SNX29: variants seen among roughly 807,000 people sequenced by gnomAD.
SNX29 encodes the protein sorting nexin-29.
A neutral mutation model predicts 102.1 loss-of-function variants in SNX29; 78 were observed. The observed-to-expected ratio is 0.76, with a 90% CI of 0.64 to 0.92. The LOEUF is 0.92. Among genes scored for constraint, SNX29 ranks in the 40% least tolerant of loss-of-function variants. The pLI, the probability that SNX29 is intolerant of heterozygous loss-of-function variation, is 0.00. For missense variants in SNX29, 1,280 were observed against 1,061.7 expected, an observed-to-expected ratio of 1.21 and a Z score of -2.86; for synonymous variants, 580 against 414.5, an observed-to-expected ratio of 1.40 and a Z score of -4.85.
chr16:12,183,808 A>G (rs994482147), intron 13 of SNX29, among the ~76,000 whole-genome samples: 10 of 152,244 alleles, frequency 6.6e-5, no homozygotes, highest in African/African-American at 2.2e-4. Context: ...TTTGCAGTAA[A>G]GAAGCCGGCT....
chr16:12,455,269 T>G (rs2151730964), intron 18 of SNX29, among the ~76,000 whole-genome samples: 1 of 152,280 alleles, frequency 6.6e-6, no homozygotes. Context: ...CGCCTGGGGT[T>G]TCTAAAGCCC....
At chr16:12,119,668 A>C (rs1459915698) in intron 11 of SNX29, among the ~76,000 whole-genome samples, 1 of 152,228 alleles carries the variant, frequency 6.6e-6, no homozygotes, top group Non-Finnish European at 1.5e-5. Flanking sequence ...GTGAGTCCTG[A>C]GGCTGTGCGC....
At chr16:12,183,283 G>T (rs944622519) in intron 13 of SNX29, among the ~76,000 whole-genome samples, 2 of 152,182 alleles carry the variant, frequency 1.3e-5, no homozygotes, top group African/African-American at 4.8e-5. Flanking sequence ...TTACAGGTAT[G>T]AGCCATGGCA....
intron 13 of SNX29, among the ~76,000 whole-genome samples, chr16:12,168,554 A>G (rs1349110724): frequency 6.6e-6 from 1 of 152,128 alleles, no homozygotes; most frequent in African/African-American, 2.4e-5. Flanking sequence ...ATAACTGAAC[A>G]GGCTGACGGG....
At chr16:12,487,113 T>C (rs1046491849) in intron 19 of SNX29, among the ~76,000 whole-genome samples, 2 of 152,176 alleles carry the variant, frequency 1.3e-5, no homozygotes, top group African/African-American at 4.8e-5. Flanking sequence ...GTATTGTGTT[T>C]ATGAGGATTG....
In SNX29 at chr16:12,562,280, C is replaced by G. The variant is rs138969247; in HGVS notation, c.2319-6226C>G. Reference sequence around the variant, plus strand: ...AAGCAGCATCCCCATGGGCCACGCTCTATCCCAGCATCAAACGTTATCGTT... The same window carrying G: ...AAGCAGCATCCCCATGGGCCACGCTGTATCCCAGCATCAAACGTTATCGTT... On this transcript the variant is annotated intron_variant, in intron 20 of 20. Coordinates refer to ENST00000566228, the MANE Select transcript of SNX29 (RefSeq NM_032167.5). Among the ~76,000 whole-genome samples the G allele has an allele frequency of 1.9e-3, 282 of 152,312 alleles. 2 individuals are homozygous for G. Among genetic ancestry groups the G allele is most frequent in the African/African-American group, 2.7e-3 (111 of 41,562 alleles).
chr16:12,486,650 C>T (rs74012725), intron 19 of SNX29, among the ~76,000 whole-genome samples: 2,101 of 152,308 alleles, frequency 0.014, 56 homozygotes, highest in African/African-American at 0.048. Context: ...GGAGGCTGGA[C>T]GGGCAGAATC....
chr16:12,465,063 T>G (rs2086990542), intron 18 of SNX29, among the ~76,000 whole-genome samples: 1 of 152,194 alleles, frequency 6.6e-6, no homozygotes, highest in Non-Finnish European at 1.5e-5. Context: ...AAATGTCTGT[T>G]TACATCCTTT....
At chr16:12,163,143 A>G (rs1334587335) in intron 13 of SNX29, among the ~76,000 whole-genome samples, 1 of 152,132 alleles carries the variant, frequency 6.6e-6, no homozygotes, top group Non-Finnish European at 1.5e-5. Flanking sequence ...TGGCCTCCCA[A>G]AGTCCTGGGA....
At chr16:12,437,136 T>TA (rs2085574441) in intron 18 of SNX29, among the ~76,000 whole-genome samples, 1 of 152,264 alleles carries the variant, frequency 6.6e-6, no homozygotes, top group South Asian at 2.1e-4. Flanking sequence ...CATGGGGGTT[T>TA]AAAACTGTTA....
chr16:12,311,356 C>G (rs1279185532), intron 15 of SNX29, among the ~76,000 whole-genome samples: 1 of 152,198 alleles, frequency 6.6e-6, no homozygotes, highest in African/African-American at 2.4e-5. Context: ...CACCCCATGA[C>G]ATTATTTGCA....
intron 15 of SNX29, among the ~76,000 whole-genome samples, chr16:12,302,300 A>C (rs2080198720): frequency 6.6e-6 from 1 of 152,250 alleles, no homozygotes; most frequent in Non-Finnish European, 1.5e-5. Context: ...CAGTTTCTAC[A>C]GTTACAGCAG....
chr16:12,471,095 G>A (rs923202401), intron 18 of SNX29, among the ~76,000 whole-genome samples: 1 of 152,062 alleles, frequency 6.6e-6, no homozygotes, highest in African/African-American at 2.4e-5. Flanking sequence ...CCCGAGATCT[G>A]ACATGCTTTG....
intron 13 of SNX29, among the ~76,000 whole-genome samples, chr16:12,167,632 G>A (rs2076047288): frequency 6.6e-6 from 1 of 152,144 alleles, no homozygotes; most frequent in Non-Finnish European, 1.5e-5. Context: ...TGTTTAGTGT[G>A]TTTCAGACAT....
intron 20 of SNX29, among the ~76,000 whole-genome samples, chr16:12,561,305 A>G (rs186433229): frequency 2.6e-4 from 40 of 152,262 alleles, no homozygotes; most frequent in South Asian, 2.3e-3. Context: ...CATGATCTTC[A>G]CATCCTGGAG....
At chr16:12,022,480 C>A (rs1322246611) in intron 3 of SNX29, among the ~76,000 whole-genome samples, 1 of 152,104 alleles carries the variant, frequency 6.6e-6, no homozygotes, top group Non-Finnish European at 1.5e-5. Context: ...GGATTACAGG[C>A]ATGAGCCACA....
chr16:11,997,506 C>G (rs575114905), intron 1 of SNX29, among the ~76,000 whole-genome samples: 2 of 151,330 alleles, frequency 1.3e-5, no homozygotes, highest in South Asian at 2.1e-4. Context: ...GAGATAGGGC[C>G]TCACTCTGTC....
At chr16:12,056,000 G>C (rs1596716609) in intron 8 of SNX29, among the ~76,000 whole-genome samples, 1 of 152,128 alleles carries the variant, frequency 6.6e-6, no homozygotes, top group African/African-American at 2.4e-5. Context: ...TCCTGCCTCA[G>C]CCTCCAGAGT....
intron 19 of SNX29, among the ~76,000 whole-genome samples, chr16:12,496,895 A>G (rs1167059740): frequency 6.6e-6 from 1 of 152,048 alleles, no homozygotes; most frequent in Non-Finnish European, 1.5e-5. Flanking sequence ...AGGGGAAAGC[A>G]TGAGCAAAGC....
Sources: allele counts gnomAD v4.1 joint callset (sites outside exome capture counted in the v4.1 genomes callset), GRCh38; gene constraint gnomAD v4.1.1; transcripts MANE v1.5; gene names NCBI Gene and HGNC (gene_info 2026-07-23, HGNC 2026-07-21).